The following ATP9A variants were observed in gnomAD, a reference collection of about 807,000 sequenced individuals.
The protein encoded by ATP9A is ATPase phospholipid transporting 9A, also known as probable phospholipid-transporting ATPase IIA.
In ATP9A, 52 loss-of-function variants were observed where a neutral mutation model predicts 144.1. The observed-to-expected ratio is 0.36, with a 90% CI of 0.29 to 0.45. The LOEUF (loss-of-function observed/expected upper bound fraction) is 0.45. ATP9A is among the 20% of genes least tolerant of loss of function. The probability of loss-of-function intolerance (pLI) is 1.00; values close to 1 mark genes in which losing one functional copy is unlikely to be tolerated. For missense variants in ATP9A, 947 were observed against 1,392.7 expected (o/e 0.68, Z 5.09); for synonymous variants, 582 against 557.4 (o/e 1.04, Z -0.62).
intron 24 of ATP9A, among the ~76,000 whole-genome samples, chr20:51,609,275 G>A (rs1177027196): frequency 2.0e-5 from 3 of 152,100 alleles, no homozygotes; most frequent in Admixed American, 1.3e-4. Context: ...TCCAGAACCC[G>A]ACGAAAGACA....
At chr20:51,680,225 T>TAAAAAA (rs11478096) in intron 9 of ATP9A, among the ~76,000 whole-genome samples, 3 of 123,400 alleles carry the variant, frequency 2.4e-5, no homozygotes, top group East Asian at 2.4e-4. Flanking sequence ...GAGACTGTCT[T>TAAAAAA]AAAAAAAAAA....
intron 27 of ATP9A, among the ~76,000 whole-genome samples, chr20:51,602,605 A>G (rs1258820311): frequency 1.7e-4 from 26 of 152,246 alleles, no homozygotes; most frequent in Admixed American, 1.7e-3. Context: ...GTAAATGCTC[A>G]CAAATCCTTT....
chr20:51,718,400 T>A (rs1242096419), intron 3 of ATP9A, among the ~76,000 whole-genome samples: 1 of 151,898 alleles, frequency 6.6e-6, no homozygotes, highest in Non-Finnish European at 1.5e-5. Context: ...TTTGGTTGTT[T>A]TGGTACTTTA....
intron 1 of ATP9A, among the ~76,000 whole-genome samples, chr20:51,733,949 C>G (rs569777300): frequency 1.4e-3 from 219 of 151,830 alleles, no homozygotes; most frequent in Non-Finnish European, 2.1e-3. Flanking sequence ...GGTGGGGTTA[C>G]AAGTTGTGCC....
rs376851204 is a variant in ATP9A, at chr20:51,676,099, G to C, written c.876+33C>G. 14 of 1,560,660 alleles carry C rather than the reference G, an allele frequency of 9.0e-6. 2 individuals are homozygous for C. The highest frequency in any genetic ancestry group is 1.7e-5 in the Admixed American group (1 of 58,536). On this transcript the variant is annotated intron_variant, in intron 10 of 27. Coordinates refer to ENST00000338821, the MANE Select transcript of ATP9A (RefSeq NM_006045.3). ...ACCCACCAGAACCAACCAGCCCACA[G>C]CCGGTCAATGTACCCCATGACCTCG...
rs2122725166 is a variant in ATP9A at position 51,622,239 on chromosome 20, C to T, written c.2017-67G>A. The T allele has an allele frequency of 3.1e-6, 4 of 1,304,456 alleles. No individual in the cohort carries two copies. The South Asian group carries it at 3.6e-5, about 12-fold the overall frequency. The allele number at this position is 1,304,456 out of a possible 1,614,324, so 80.8% of individuals were successfully genotyped here. ...GAGGCCGGCCTGTCATCTGCAACAG[C>T]TGAGTTTCCAACAACATGGAGCTGA... On this transcript the variant is annotated intron_variant, in intron 18 of 27. Coordinates refer to ENST00000338821, the MANE Select transcript of ATP9A (RefSeq NM_006045.3).
intron 26 of ATP9A, among the ~76,000 whole-genome samples, chr20:51,606,343 G>A (rs1258749259): frequency 6.6e-6 from 1 of 152,082 alleles, no homozygotes; most frequent in Non-Finnish European, 1.5e-5. Context: ...GAAATATTAG[G>A]ATCATTTCAC....
chr20:51,706,907 C>T (rs2077616849), intron 4 of ATP9A, among the ~76,000 whole-genome samples: 1 of 152,164 alleles, frequency 6.6e-6, no homozygotes, highest in East Asian at 1.9e-4. Context: ...CATGCCTGTA[C>T]TGTATATGAA....
In ATP9A at chr20:51,731,197, G is replaced by A. The variant is rs73616836; in HGVS notation, c.69-1219C>T. Among the ~76,000 whole-genome samples the A allele has an allele frequency of 4.9e-4, 75 of 152,096 alleles. 1 individual carries two copies. The South Asian group carries it at 0.014, about 27-fold the overall frequency. On this transcript the variant is annotated intron_variant, in intron 1 of 27. Transcript: ENST00000338821. Reference sequence around the variant, plus strand: ...CAGGCGCCTATAATCCCAGCTACTCGGGAGGCTGAGGCAGGAGAATCGCTT... The same window carrying A: ...CAGGCGCCTATAATCCCAGCTACTCAGGAGGCTGAGGCAGGAGAATCGCTT...
intron 2 of ATP9A, among the ~76,000 whole-genome samples, chr20:51,726,195 C>A (rs553484692): frequency 6.6e-6 from 1 of 151,804 alleles, no homozygotes; most frequent in South Asian, 2.1e-4. Context: ...CACCTATAAT[C>A]CCAGCTACTC....
chr20:51,655,676 C>T (rs2077384038), intron 14 of ATP9A, among the ~76,000 whole-genome samples: 1 of 152,088 alleles, frequency 6.6e-6, no homozygotes, highest in African/African-American at 2.4e-5. Flanking sequence ...TCATACGTTG[C>T]TGGTAGATAC....
At chr20:51,651,088 C>G (rs1482404687) in intron 14 of ATP9A, among the ~76,000 whole-genome samples, 1 of 144,756 alleles carries the variant, frequency 6.9e-6, no homozygotes, top group Non-Finnish European at 1.5e-5. Context: ...ACTTAATTCA[C>G]CCTCCTTCCT....
At chr20:51,746,722 C>A (rs1207942761) in intron 1 of ATP9A, among the ~76,000 whole-genome samples, 1 of 152,220 alleles carries the variant, frequency 6.6e-6, no homozygotes, top group Non-Finnish European at 1.5e-5. Flanking sequence ...ACCTGTAGTC[C>A]CAGCTACTCA....
chr20:51,627,898 C>G (rs974039520), intron 16 of ATP9A, among the ~76,000 whole-genome samples: 23 of 152,336 alleles, frequency 1.5e-4, no homozygotes, highest in African/African-American at 5.5e-4. Flanking sequence ...AGCCCACCCA[C>G]AGGTCGTCTT....
chr20:51,765,212 C>T (rs563412204), intron 1 of ATP9A, among the ~76,000 whole-genome samples: 19 of 152,202 alleles, frequency 1.2e-4, no homozygotes, highest in Non-Finnish European at 1.8e-4. Flanking sequence ...GAAGCTCCTC[C>T]ATCTCTCTGT....
intron 23 of ATP9A, 28 bp downstream of exon 23, chr20:51,613,649 T>G (rs756041444): frequency 1.9e-6 from 3 of 1,599,962 alleles, no homozygotes; most frequent in Non-Finnish European, 2.6e-6. Flanking sequence ...CACAGGCACA[T>G]GTGCAGAGGG....
At chr20:51,688,715 T>C (rs2077534380) in intron 9 of ATP9A, among the ~76,000 whole-genome samples, 3 of 152,164 alleles carry the variant, frequency 2.0e-5, no homozygotes, top group African/African-American at 7.2e-5. Flanking sequence ...GCCCCAGTGC[T>C]GGCAGTCCCA....
intron 15 of ATP9A, among the ~76,000 whole-genome samples, chr20:51,634,440 G>T (rs549947514): frequency 5.3e-4 from 80 of 152,308 alleles, no homozygotes; most frequent in African/African-American, 1.8e-3. Context: ...ATCCAGCCAG[G>T]TGTGGACCAG....
intron 3 of ATP9A, among the ~76,000 whole-genome samples, chr20:51,715,870 T>C (rs976648572): frequency 2.0e-5 from 3 of 152,176 alleles, no homozygotes; most frequent in Admixed American, 6.5e-5. Context: ...AGGCAGCTGT[T>C]GGAGCTGGTG....
Sources: allele counts gnomAD v4.1 joint callset (sites outside exome capture counted in the v4.1 genomes callset), GRCh38; gene constraint gnomAD v4.1.1; transcripts MANE v1.5; gene names NCBI Gene and HGNC (gene_info 2026-07-23, HGNC 2026-07-21).